The following GALC variants were observed in gnomAD, a reference collection of about 807,000 sequenced individuals.
The protein encoded by GALC is galactosylceramidase, also known as galactocerebrosidase.
GALC carries 77 observed loss-of-function variants against 91.8 expected under a neutral mutation model. That is an observed-to-expected ratio of 0.84 (90% CI 0.70 to 1.01). GALC has a LOEUF of 1.01. Among genes scored for constraint, GALC ranks in the 50% least tolerant of loss-of-function variants. GALC has a pLI of 0.00. For synonymous variants in GALC, 357 were observed against 306.7 expected (o/e 1.16, Z -1.71); for missense variants, 882 against 855.9 (o/e 1.03, Z -0.38).
Position 87,965,552 on chromosome 14 carries a change from T to A in GALC, c.986A>T (p.Glu329Val). 1 of 1,613,384 alleles carries A rather than the reference T, an allele frequency of 6.2e-7. No individual in the cohort carries two copies. Among genetic ancestry groups the A allele is most frequent in the Non-Finnish European group, 8.5e-7 (1 of 1,179,524 alleles). Residue 329 changes from glutamate to valine, a missense_variant, in exon 9 of 17, where the codon GAG becomes GTG. By Grantham distance (121) the Glu-to-Val change is moderately radical. Coordinates refer to ENST00000261304, the MANE Select transcript of GALC (RefSeq NM_000153.4). ...TACCACGTAGTGCCCACTCCATGGC[T>A]CCTGGGCCGTCATCAACCCGCATCT... ...YGRCGLMTAQ[E>V]PWSGHYVVES... is the part of the protein sequence containing the mutation.
intron 10 of GALC, chr14:87,959,603 C>T (rs1237222376): frequency 4.6e-5 from 7 of 152,050 alleles, no homozygotes; most frequent in African/African-American, 1.7e-4. Flanking sequence ...GCCTGTAATC[C>T]CAGCCACTTG....
intron 8 of GALC, 69 bp from the exon 9 acceptor site, chr14:87,965,698 G>T: frequency 6.6e-7 from 1 of 1,504,850 alleles, no homozygotes; most frequent in Non-Finnish European, 9.2e-7. Context: ...TAAAAACCTG[G>T]AGTAAAAAGA....
intron 10 of GALC, among the ~76,000 whole-genome samples, chr14:87,962,901 T>C (rs1362635239): frequency 6.6e-6 from 1 of 152,078 alleles, no homozygotes; most frequent in African/African-American, 2.4e-5. Flanking sequence ...ATCCTTGATA[T>C]GTCTGCTTTC....
intron 1 of GALC, among the ~76,000 whole-genome samples, chr14:87,990,839 C>T (rs1295949146): frequency 6.6e-6 from 1 of 152,206 alleles, no homozygotes; most frequent in Non-Finnish European, 1.5e-5. Flanking sequence ...CACGGGATTA[C>T]TAACCACACT....
chr14:87,980,803 A>C (rs1567006304), intron 6 of GALC, among the ~76,000 whole-genome samples: 1 of 152,234 alleles, frequency 6.6e-6, no homozygotes, highest in Admixed American at 6.5e-5. Flanking sequence ...CTCTATCCTT[A>C]TATTATAACC....
rs547499501 is a variant in GALC, at chr14:87,950,549, A to G, written c.1251+110T>C. The G allele has an allele frequency of 9.7e-6, 7 of 719,310 alleles. No homozygotes were observed. The African/African-American group carries it at 1.3e-4, about 13-fold the overall frequency. The allele number at this position is 719,310 out of a possible 1,614,324, so 44.6% of individuals were successfully genotyped here. A position where few individuals can be genotyped will look rare whatever the true frequency, so the allele number is the denominator to read the frequency against. On this transcript the variant is annotated intron_variant, in intron 11 of 16. Coordinates refer to ENST00000261304, the MANE Select transcript of GALC (RefSeq NM_000153.4). ...CCAGGGCCTCTGTCAATTCATATGC[A>G]AACTGTTAAAAGTTCATAATATAAG...
At chr14:87,982,839 G>T (rs1886806443) in intron 5 of GALC, among the ~76,000 whole-genome samples, 1 of 152,126 alleles carries the variant, frequency 6.6e-6, no homozygotes, top group African/African-American at 2.4e-5. Context: ...TTAATAACAA[G>T]AGACGATTCT....
At chr14:87,972,552 A>G (rs143681103) in intron 7 of GALC, among the ~76,000 whole-genome samples, 52 of 152,304 alleles carry the variant, frequency 3.4e-4, no homozygotes, top group African/African-American at 1.2e-3. Context: ...ATATGTATGT[A>G]TGTATGCTGT....
At chr14:87,975,692 A>G (rs2140014730) in intron 7 of GALC, among the ~76,000 whole-genome samples, 1 of 152,244 alleles carries the variant, frequency 6.6e-6, no homozygotes, top group East Asian at 1.9e-4. Context: ...CATTAAAAAA[A>G]TAAAGCACAT....
chr14:87,953,274 G>A (rs1885385854), intron 10 of GALC: 3 of 1,493,586 alleles, frequency 2.0e-6, no homozygotes, highest in African/African-American at 1.4e-5. Context: ...AAGATAAAGG[G>A]CGGAGTCCTA....
intron 12 of GALC, among the ~76,000 whole-genome samples, chr14:87,949,637 G>A (rs1477613108): frequency 6.6e-6 from 1 of 152,006 alleles, no homozygotes; most frequent in Admixed American, 6.6e-5. Context: ...GAAAGACAGA[G>A]AGTCTCAAAT....
At chr14:87,959,353 ATACT>A (rs1250333769) in intron 10 of GALC, among the ~76,000 whole-genome samples, 5 of 152,232 alleles carry the variant, frequency 3.3e-5, no homozygotes, top group African/African-American at 7.2e-5. Context: ...AAAAAAAGAA[ATACT>A]TACTTCATGT....
intron 10 of GALC, chr14:87,954,270 T>G (rs1885426831): frequency 6.5e-7 from 1 of 1,538,616 alleles, no homozygotes; most frequent in Non-Finnish European, 9.0e-7. Flanking sequence ...GCCTGATGTA[T>G]TAGTCCACAC....
At chr14:87,984,813 C>G (rs1886901982) in intron 4 of GALC, among the ~76,000 whole-genome samples, 1 of 152,156 alleles carries the variant, frequency 6.6e-6, no homozygotes, top group Non-Finnish European at 1.5e-5. Context: ...CTCCAAGACC[C>G]TTACCAATAG....
intron 1 of GALC, chr14:87,992,620 C>T (rs572909685): frequency 6.9e-7 from 1 of 1,448,242 alleles, no homozygotes; most frequent in Non-Finnish European, 9.0e-7. Flanking sequence ...CCCCGACTGC[C>T]ATCTCCGCGA....
At chr14:87,952,480 AC>A (rs1208231813) in intron 10 of GALC, 11 of 573,760 alleles carry the variant, frequency 1.9e-5, no homozygotes, top group African/African-American at 5.6e-5. Context: ...CATAAGCTAA[AC>A]CACAACCCTG....
At chr14:87,946,669 T>C (rs1192311604) in intron 13 of GALC, among the ~76,000 whole-genome samples, 2 of 151,952 alleles carry the variant, frequency 1.3e-5, no homozygotes, top group East Asian at 3.9e-4. Flanking sequence ...GATTCCTCAC[T>C]TACTGAAGGC....
chr14:87,966,634 T>A (rs905640154), intron 8 of GALC, among the ~76,000 whole-genome samples: 21 of 152,194 alleles, frequency 1.4e-4, no homozygotes, highest in Non-Finnish European at 2.9e-5. Context: ...ATTTTGCCCA[T>A]GGTTTGCAAG....
At chr14:87,981,990 G>C (rs369773384) in intron 6 of GALC, among the ~76,000 whole-genome samples, 3 of 151,998 alleles carry the variant, frequency 2.0e-5, no homozygotes, top group African/African-American at 7.2e-5. Flanking sequence ...AAGGTAATTC[G>C]GGGCTCACAA....
Sources: gnomAD v4.1 joint callset for allele counts (sites outside exome capture counted in the v4.1 genomes callset) on GRCh38, gnomAD v4.1.1 for gene constraint, MANE v1.5 for transcripts, NCBI Gene and HGNC (gene_info 2026-07-23, HGNC 2026-07-21) for gene names.